The following CSMD1 variants were observed in gnomAD, a reference collection of about 807,000 sequenced individuals.
CSMD1 encodes the protein CUB and Sushi multiple domains 1.
Under a neutral mutation model 417.5 loss-of-function variants are expected in CSMD1, and 213 were observed. That is an observed-to-expected ratio of 0.51 (90% CI 0.46 to 0.57). The LOEUF (loss-of-function observed/expected upper bound fraction) is 0.57. Ranked by LOEUF, CSMD1 falls within the 20% of genes least tolerant of loss-of-function variation. The probability of loss-of-function intolerance (pLI) is 0.00; values close to 1 mark genes in which losing one functional copy is unlikely to be tolerated. For missense variants in CSMD1, 6,923 were observed against 4,529.7 expected (o/e 1.53, Z -15.17); for synonymous variants, 2,862 against 1,736.8 (o/e 1.65, Z -16.11).
chr8:4,952,624 T>C (rs60116724), intron 1 of CSMD1, among the ~76,000 whole-genome samples: 6,385 of 152,168 alleles, frequency 0.042, 160 homozygotes, highest in South Asian at 0.05. Flanking sequence ...TAGAGCATAG[T>C]TGATATGGTG....
intron 41 of CSMD1, among the ~76,000 whole-genome samples, chr8:3,122,070 T>C (rs1817244769): frequency 6.6e-6 from 1 of 152,124 alleles, no homozygotes; most frequent in Non-Finnish European, 1.5e-5. Context: ...TGTATATCGA[T>C]AATATGAAAT....
intron 2 of CSMD1, among the ~76,000 whole-genome samples, chr8:4,537,155 T>G (rs1470894649): frequency 6.6e-6 from 1 of 152,218 alleles, no homozygotes; most frequent in African/African-American, 2.4e-5. Context: ...TTGGGTCCTC[T>G]TGTACTTTTC....
intron 3 of CSMD1, among the ~76,000 whole-genome samples, chr8:4,126,377 G>T (rs561787530): frequency 6.6e-6 from 1 of 152,280 alleles, no homozygotes; most frequent in East Asian, 1.9e-4. Context: ...CAGCTATTCA[G>T]CATTCACACC....
intron 5 of CSMD1, among the ~76,000 whole-genome samples, chr8:3,907,639 G>A (rs1348885653): frequency 6.6e-6 from 1 of 152,104 alleles, no homozygotes; most frequent in East Asian, 1.9e-4. Flanking sequence ...TTGATGAGAT[G>A]CCACCTTTCA....
At chr8:3,165,428 ATTTATTTT>A (rs1410080457) in intron 37 of CSMD1, among the ~76,000 whole-genome samples, 2 of 151,466 alleles carry the variant, frequency 1.3e-5, no homozygotes, top group Admixed American at 1.3e-4. Flanking sequence ...TTTTTTATTT[ATTTATTTT>A]TTTATTTATT....
intron 26 of CSMD1, among the ~76,000 whole-genome samples, chr8:3,251,794 G>T (rs931466965): frequency 6.6e-6 from 1 of 152,112 alleles, no homozygotes; most frequent in African/African-American, 2.4e-5. Flanking sequence ...CTTGTCAGTT[G>T]GATTCATATG....
chr8:3,559,888 GGTT>G (rs373293086), intron 10 of CSMD1, among the ~76,000 whole-genome samples: 9 of 152,222 alleles, frequency 5.9e-5, no homozygotes, highest in East Asian at 1.9e-4. Context: ...ATGGAAGAGG[GGTT>G]GAAGACAAAA....
At chr8:4,764,783 G>A (rs1468961161) in intron 1 of CSMD1, among the ~76,000 whole-genome samples, 1 of 145,812 alleles carries the variant, frequency 6.9e-6, no homozygotes, top group Non-Finnish European at 1.5e-5. Context: ...TGCGGCAGGA[G>A]AATGGTGTGA....
chr8:3,013,190 A>T (rs1053874450), intron 52 of CSMD1, among the ~76,000 whole-genome samples: 1 of 152,194 alleles, frequency 6.6e-6, no homozygotes, highest in Non-Finnish European at 1.5e-5. Context: ...GTATGCACAT[A>T]TGATGTCTGC....
chr8:3,100,944 G>C (rs1422515416), intron 46 of CSMD1, among the ~76,000 whole-genome samples: 1 of 152,082 alleles, frequency 6.6e-6, no homozygotes, highest in Non-Finnish European at 1.5e-5. Context: ...CATATAGAAG[G>C]AAGCTGGAGC....
intron 5 of CSMD1, among the ~76,000 whole-genome samples, chr8:3,973,762 GTGTTTCATT>G (rs1398416331): frequency 1.3e-5 from 2 of 152,172 alleles, no homozygotes; most frequent in African/African-American, 4.8e-5. Context: ...AAACCAACCA[GTGTTTCATT>G]ATTTGAGACA....
chr8:3,148,708 C>T (rs139807162), intron 40 of CSMD1, among the ~76,000 whole-genome samples: 21 of 152,154 alleles, frequency 1.4e-4, no homozygotes, highest in African/African-American at 4.3e-4. Context: ...GCAAATTGCT[C>T]GAAAATGATT....
chr8:3,529,988 G>C (rs1797911272), intron 10 of CSMD1, among the ~76,000 whole-genome samples: 1 of 151,884 alleles, frequency 6.6e-6, no homozygotes, highest in Non-Finnish European at 1.5e-5. Flanking sequence ...TGTCATTTTT[G>C]TTTCCCCATG....
intron 4 of CSMD1, among the ~76,000 whole-genome samples, chr8:4,026,025 A>T (rs1476388241): frequency 1.3e-5 from 2 of 151,208 alleles, no homozygotes; most frequent in Non-Finnish European, 3.0e-5. Context: ...AAAAAAAAAA[A>T]CTCTTCAACC....
intron 1 of CSMD1, among the ~76,000 whole-genome samples, chr8:4,670,343 A>C (rs1395290185): frequency 6.6e-6 from 1 of 152,006 alleles, no homozygotes; most frequent in Non-Finnish European, 1.5e-5. Context: ...CTTATTTATG[A>C]CCGTGTCAAG....
At chr8:4,968,986 G>C (rs1169505161) in intron 1 of CSMD1, among the ~76,000 whole-genome samples, 2 of 152,026 alleles carry the variant, frequency 1.3e-5, no homozygotes, top group East Asian at 3.9e-4. Flanking sequence ...TTTGCACATA[G>C]GTTTTTATGA....
At chr8:4,324,607 T>G (rs6994490) in intron 3 of CSMD1, among the ~76,000 whole-genome samples, 1,652 of 152,322 alleles carry the variant, frequency 0.011, 30 homozygotes, top group African/African-American at 0.038. Flanking sequence ...GACAGGTCAG[T>G]GGCCATTTAT....
chr8:3,847,379 T>A (rs1803578820), intron 5 of CSMD1, among the ~76,000 whole-genome samples: 1 of 152,146 alleles, frequency 6.6e-6, no homozygotes, highest in Admixed American at 6.5e-5. Flanking sequence ...CCCCTCCTGC[T>A]GGCCTCCCGG....
chr8:3,896,048 G>A (rs977539773), intron 5 of CSMD1, among the ~76,000 whole-genome samples: 1 of 152,214 alleles, frequency 6.6e-6, no homozygotes, highest in Admixed American at 6.5e-5. Context: ...TGACTGCGGA[G>A]CGCTGGACTC....
Sources: allele counts gnomAD v4.1 joint callset (sites outside exome capture counted in the v4.1 genomes callset), GRCh38; gene constraint gnomAD v4.1.1; transcripts MANE v1.5; gene names NCBI Gene and HGNC (gene_info 2026-07-23, HGNC 2026-07-21).